The following TP73 variants were observed in gnomAD, a reference collection of about 807,000 sequenced individuals.
TP73 encodes the protein p53-like transcription factor.
In TP73, 25 loss-of-function variants were observed where a neutral mutation model predicts 62.5. The observed-to-expected ratio is 0.40, with a 90% CI of 0.29 to 0.56. The LOEUF is 0.56. TP73 is among the 20% of genes least tolerant of loss of function. The pLI is 0.46. For missense variants in TP73, 754 were observed against 913.3 expected, an observed-to-expected ratio of 0.83 and a Z score of 2.25; for synonymous variants, 423 against 377.5, an observed-to-expected ratio of 1.12 and a Z score of -1.40.
At chr1:3,704,704 C>T (rs1639483104) in intron 3 of TP73, among the ~76,000 whole-genome samples, 1 of 152,232 alleles carries the variant, frequency 6.6e-6, no homozygotes, top group Admixed American at 6.5e-5. Flanking sequence ...GTCTCAGACA[C>T]CTCAGAGGCC....
chr1:3,726,583 ATGGATGGATGGATGGGG>A (rs1308865171), intron 6 of TP73, among the ~76,000 whole-genome samples: 1 of 132,018 alleles, frequency 7.6e-6, no homozygotes, highest in Non-Finnish European at 1.6e-5. Context: ...GGGGGAGTGG[ATGGATGGATGGATGGGG>A]TGGATGGATG....
Position 3,732,881 on chromosome 1 carries a change from C to T in TP73, c.1713C>T (p.Ile571=), listed in dbSNP as rs1414851757. The change falls in exon 14 of 14, where the codon ATC becomes ATT. Residue 571 remains isoleucine, a synonymous_variant. Transcript: ENST00000378295. ...LRSSNAATIS[I]GGSGELQRQR... is the part of the protein sequence containing the mutation. ...CTAGCAACGCGGCCACCATCTCCAT[C>T]GGCGGCTCAGGGGAACTGCAGCGCC... The T allele has an allele frequency of 3.1e-6, 5 of 1,611,664 alleles. No individual in the cohort carries two copies. The highest frequency in any genetic ancestry group is 1.7e-5 in the Admixed American group (1 of 59,946).
rs925135753 is a variant in TP73, at chr1:3,670,095, T to C, written c.-33-12238T>C. Among the ~76,000 whole-genome samples the C allele has an allele frequency of 6.6e-6, 1 of 152,008 alleles. No individual in the cohort carries two copies. Among genetic ancestry groups the C allele is most frequent in the Non-Finnish European group, 1.5e-5 (1 of 67,990 alleles). ...CTGGCCTCCTGGATGGGCATGTGGC[T>C]CGGGGGGCGAGACCATGGGCTCTTC... On this transcript the variant is annotated intron_variant, in intron 1 of 13. Coordinates refer to ENST00000378295, the MANE Select transcript of TP73 (RefSeq NM_005427.4). This position sits in a 1 kb window ranked among gnomAD's most constrained non-coding sequence, Gnocchi z 5.9.
At position 3,728,204 on chromosome 1, in the gene TP73, C is replaced by G. The variant is rs374066676; in HGVS notation, c.1061C>G (p.Thr354Arg). The change falls in exon 9 of 14, where the codon ACG becomes AGG. Residue 354 changes from threonine (T) to arginine (R), a missense_variant. By Grantham distance (71) the Thr-to-Arg change is moderately conservative. This residue lies in a region of TP73 where 458 missense variants were observed against 528.7 expected (regional missense o/e 0.87). Coordinates refer to ENST00000378295, the MANE Select transcript of TP73 (RefSeq NM_005427.4). The part of the protein sequence containing the change: ...VKKRRHGDED[T>R]YYLQVRGREN... ...AAGCGGCGGCATGGAGACGAGGACA[C>G]GTACTACCTTCAGGTGAGTGTGTGC... 1.2e-6 allele frequency: 2 copies of G among 1,611,710 alleles called. No individual in the cohort carries two copies. Among genetic ancestry groups the G allele is most frequent in the East Asian group, 4.5e-5 (2 of 44,878 alleles).
At chr1:3,708,089 A>C (rs370304736) in intron 4 of TP73, 4 of 488,048 alleles carry the variant, frequency 8.2e-6, no homozygotes, top group East Asian at 3.6e-5. Flanking sequence ...CGGCTTCCCC[A>C]TGCTCAGGTG....
intron 9 of TP73, among the ~76,000 whole-genome samples, 180 bp from the exon 10 acceptor site, chr1:3,729,147 G>A (rs963735855): frequency 6.6e-6 from 1 of 152,186 alleles, no homozygotes; most frequent in African/African-American, 2.4e-5. Flanking sequence ...CAGGGGCTCT[G>A]GTTAGACCTG....
intron 1 of TP73, among the ~76,000 whole-genome samples, chr1:3,658,746 T>C (rs542920537): frequency 1.2e-4 from 18 of 152,340 alleles, no homozygotes; most frequent in South Asian, 1.0e-3. Context: ...AATCAACATG[T>C]CAACATGGCA....
intron 4 of TP73, among the ~76,000 whole-genome samples, chr1:3,717,528 T>A (rs1428832341): frequency 6.6e-6 from 1 of 152,192 alleles, no homozygotes; most frequent in Non-Finnish European, 1.5e-5. Context: ...CTAGCGGTTC[T>A]AGGGAAGGAG....
chr1:3,684,382 C>T (rs1426364085), intron 3 of TP73, among the ~76,000 whole-genome samples: 5 of 152,196 alleles, frequency 3.3e-5, no homozygotes, highest in Non-Finnish European at 7.3e-5. Context: ...GATGCTGGGC[C>T]TCTGGGGGCC....
At chr1:3,686,761 G>C (rs1047866821) in intron 3 of TP73, among the ~76,000 whole-genome samples, 1 of 152,184 alleles carries the variant, frequency 6.6e-6, no homozygotes, top group Non-Finnish European at 1.5e-5. Flanking sequence ...GTGTGGCTGG[G>C]GGCTCCGAGG....
Position 3,700,654 on chromosome 1 carries a change from G to A in TP73, c.187-6895G>A, listed in dbSNP as rs140507081. On this transcript the variant is annotated intron_variant, in intron 3 of 13. Transcript: ENST00000378295. Reference sequence around the variant, plus strand: ...CTCTACTAAAAATACAAAAATTAGCGTCTGTAATCCCAGCTACTGGGGAGG... The same window carrying A: ...CTCTACTAAAAATACAAAAATTAGCATCTGTAATCCCAGCTACTGGGGAGG... Among the ~76,000 whole-genome samples, 205 of 151,908 alleles carry A rather than the reference G, an allele frequency of 1.3e-3. 4 individuals are homozygous for A. The East Asian group carries it at 0.033, about 25-fold the overall frequency.
At chr1:3,718,339 C>T (rs1640784244) in intron 4 of TP73, among the ~76,000 whole-genome samples, 1 of 152,242 alleles carries the variant, frequency 6.6e-6, no homozygotes, top group Admixed American at 6.5e-5. Flanking sequence ...CACTTCGTAG[C>T]GCCCTGGCCT....
chr1:3,684,403 C>T (rs1645600225), intron 3 of TP73, among the ~76,000 whole-genome samples: 1 of 152,176 alleles, frequency 6.6e-6, no homozygotes, highest in African/African-American at 2.4e-5. Flanking sequence ...TGAGAGCACC[C>T]GGCCTGGCCC....
At chr1:3,678,579 G>C (rs1404827873) in intron 1 of TP73, among the ~76,000 whole-genome samples, 1 of 152,262 alleles carries the variant, frequency 6.6e-6, no homozygotes, top group African/African-American at 2.4e-5. Flanking sequence ...TCCGGTTCAA[G>C]TTCCTCCGTG....
chr1:3,733,264 T>C lies in TP73; in HGVS notation c.*185T>C. On this transcript the variant is annotated 3_prime_UTR_variant, in exon 14 of 14. Transcript: ENST00000378295. The stretch of plus-strand genomic sequence containing the variant: ...GAAAGGCCCAGCCACCGAAGCCGCC[T>C]GTGGACAGCCTGAGTCACCTGCAGA... The C allele has an allele frequency of 1.4e-6, 1 of 709,380 alleles. No individual in the cohort carries two copies. The highest frequency in any genetic ancestry group is 2.3e-6 in the Non-Finnish European group (1 of 437,630). The allele number at this position is 709,380 out of a possible 1,614,324, so 43.9% of individuals were successfully genotyped here. A position where few individuals can be genotyped will look rare whatever the true frequency, so the allele number is the denominator to read the frequency against.
intron 3 of TP73, chr1:3,698,143 G>A: frequency 1.0e-6 from 1 of 985,276 alleles, no homozygotes; most frequent in Non-Finnish European, 1.2e-6. Flanking sequence ...ATTCACATCT[G>A]CAGGACAGGT....
chr1:3,680,368 G>A (rs1464278903), intron 1 of TP73, among the ~76,000 whole-genome samples: 5 of 152,180 alleles, frequency 3.3e-5, no homozygotes, highest in African/African-American at 9.7e-5. Flanking sequence ...AAGGGAGCTG[G>A]GATTTTGTCA....
At chr1:3,693,134 G>A (rs898630668) in intron 3 of TP73, among the ~76,000 whole-genome samples, 6 of 152,172 alleles carry the variant, frequency 3.9e-5, no homozygotes, top group African/African-American at 1.4e-4. Flanking sequence ...TTCCCTCTCG[G>A]GGGGAGGTGG....
intron 4 of TP73, among the ~76,000 whole-genome samples, chr1:3,711,854 G>T (rs1352071108): frequency 6.7e-6 from 1 of 150,366 alleles, no homozygotes; most frequent in Admixed American, 6.6e-5. Flanking sequence ...GTATGTGTGT[G>T]TGTGTGTGTG....
Sources: allele counts gnomAD v4.1 joint callset (sites outside exome capture counted in the v4.1 genomes callset), GRCh38; gene constraint gnomAD v4.1.1; regional missense constraint gnomAD v4.1.1; non-coding constraint Gnocchi (gnomAD v3.1); transcripts MANE v1.5; gene names NCBI Gene and HGNC (gene_info 2026-07-23, HGNC 2026-07-21).